Variants in SRSF10 observed in about 807,000 individuals in gnomAD.
SRSF10 encodes serine/arginine-rich splicing factor 10.
A neutral mutation model predicts 32.6 loss-of-function variants in SRSF10; 9 were observed. The ratio of observed to expected loss-of-function variants is 0.28; its 90% CI spans 0.17 to 0.48. The LOEUF is 0.48. Among genes scored for constraint, SRSF10 ranks in the 20% least tolerant of loss-of-function variants. The pLI is 0.99. For missense variants in SRSF10, 201 were observed against 331.8 expected (o/e 0.61, Z 3.06); for synonymous variants, 105 against 112.4 (o/e 0.93, Z 0.42).
intron 3 of SRSF10, among the ~76,000 whole-genome samples, chr1:23,974,504 T>G (rs1447907885): frequency 6.6e-6 from 1 of 152,210 alleles, no homozygotes; most frequent in African/African-American, 2.4e-5. Flanking sequence ...TGATGAAATA[T>G]TCAAGATACT....
At chr1:23,973,849 C>G (rs1180996475) in intron 3 of SRSF10, among the ~76,000 whole-genome samples, 2 of 152,132 alleles carry the variant, frequency 1.3e-5, no homozygotes, top group Non-Finnish European at 2.9e-5. Flanking sequence ...TTATCTCATT[C>G]AATTCAATGA....
chr1:23,973,211 C>T (rs1316204649), intron 3 of SRSF10, among the ~76,000 whole-genome samples: 3 of 152,190 alleles, frequency 2.0e-5, no homozygotes, highest in African/African-American at 7.2e-5. Context: ...AAAAATAATA[C>T]TAATATCCCC....
chr1:23,970,178 T>C lies in SRSF10; in HGVS notation c.*964A>G. On this transcript the variant is annotated 3_prime_UTR_variant, in exon 6 of 6. Coordinates refer to ENST00000492112, the MANE Select transcript of SRSF10 (RefSeq NM_054016.4). ...TGCCATCAACGACCTGCTCAAATTT[T>C]AAGGTGAGTTTTTGTGTTTTCTATG... 2 of 985,426 alleles carry C rather than the reference T, an allele frequency of 2.0e-6. No homozygotes were observed. The highest frequency in any genetic ancestry group is 2.4e-6 in the Non-Finnish European group (2 of 829,938). The allele number at this position is 985,426 out of a possible 1,614,324, so 61.0% of individuals were successfully genotyped here.
At chr1:23,972,077 T>C in intron 3 of SRSF10, 65 bp from the exon 4 acceptor site, 5 of 1,358,912 alleles carry the variant, frequency 3.7e-6, no homozygotes, top group Non-Finnish European at 4.8e-6. Flanking sequence ...CCTCAATAAA[T>C]AGGGAAAAAA....
Position 23,970,777 on chromosome 1 carries a change from T to C in SRSF10, c.*365A>G, listed in dbSNP as rs1641711055. 3.9e-6 allele frequency: 4 copies of C among 1,029,322 alleles called. No homozygotes were observed. The highest frequency in any genetic ancestry group is 1.7e-5 in the African/African-American group (1 of 57,940). The allele number at this position is 1,029,322 out of a possible 1,614,324, so 63.8% of individuals were successfully genotyped here. ...GTATCATTCTATCTTATTAGCAAGC[T>C]ACATTTCTAGGTTAACAGTTCTACC... On this transcript the variant is annotated 3_prime_UTR_variant, in exon 6 of 6. Coordinates refer to ENST00000492112, the MANE Select transcript of SRSF10 (RefSeq NM_054016.4).
chr1:23,967,820 G>C lies in SRSF10; in HGVS notation c.*3322C>G. Reference sequence around the variant, plus strand: ...GTTGAACTGGATGTAGCAGCTTACTGGGCCAAATTTTCAAGAGAATAATAC... The same window carrying C: ...GTTGAACTGGATGTAGCAGCTTACTCGGCCAAATTTTCAAGAGAATAATAC... On this transcript the variant is annotated 3_prime_UTR_variant, in exon 6 of 6. Coordinates refer to ENST00000492112, the MANE Select transcript of SRSF10 (RefSeq NM_054016.4). 2 of 1,574,276 alleles carry C rather than the reference G, an allele frequency of 1.3e-6. No individual in the cohort carries two copies. Among genetic ancestry groups the C allele is most frequent in the South Asian group, 1.1e-5 (1 of 87,726 alleles).
rs1051583560 is a variant in SRSF10 at position 23,967,533 on chromosome 1, T to C, written c.*3609A>G. 7.6e-5 allele frequency: 43 copies of C among 562,774 alleles called. 1 individual carries two copies. The highest frequency in any genetic ancestry group is 5.7e-4 in the African/African-American group (31 of 54,038). 34.9% of individuals were successfully genotyped at this position (562,774 alleles called of 1,614,324 possible). On this transcript the variant is annotated 3_prime_UTR_variant, in exon 6 of 6. Transcript: ENST00000492112. The stretch of plus-strand genomic sequence containing the variant: ...ACTTGAAGGGACTTCAATTATTCCA[T>C]GTAGTTTTCGATAACATTCTTTTAT...
chr1:23,978,566 G>C (rs1308244441), intron 2 of SRSF10, 147 bp downstream of exon 2: 1 of 1,022,256 alleles, frequency 9.8e-7, no homozygotes, highest in Non-Finnish European at 1.3e-6. Flanking sequence ...CGAGAGCAAT[G>C]TGTGAGTCAG....
chr1:23,975,760 A>T (rs1642049562), intron 2 of SRSF10: 5 of 152,260 alleles, frequency 3.3e-5, no homozygotes. Flanking sequence ...CTGTAAAAGC[A>T]TGCTATCAAG....
rs1304767178 is a variant in SRSF10, at chr1:23,968,998, A to C, written c.*2144T>G. The C allele has an allele frequency of 4.8e-6, 3 of 623,708 alleles. No homozygotes were observed. Among genetic ancestry groups the C allele is most frequent in the Non-Finnish European group, 6.0e-6 (3 of 500,000 alleles). 38.6% of individuals were successfully genotyped at this position (623,708 alleles called of 1,614,324 possible). A position where few individuals can be genotyped will look rare whatever the true frequency, so the allele number is the denominator to read the frequency against. On this transcript the variant is annotated 3_prime_UTR_variant, in exon 6 of 6. Transcript: ENST00000492112. ...GTGCCTAGTGCAACAATGATTTAAA[A>C]TATTCCTAAATCTATAAAGGACTGT...
chr1:23,967,815 T>C lies in SRSF10; in HGVS notation c.*3327A>G. On this transcript the variant is annotated 3_prime_UTR_variant, in exon 6 of 6. Coordinates refer to ENST00000492112, the MANE Select transcript of SRSF10 (RefSeq NM_054016.4). ...TGTTAGTTGAACTGGATGTAGCAGCTTACTGGGCCAAATTTTCAAGAGAAT... is the reference window on the plus strand; with the variant it reads ...TGTTAGTTGAACTGGATGTAGCAGCCTACTGGGCCAAATTTTCAAGAGAAT... 2 of 1,579,212 alleles carry C rather than the reference T, an allele frequency of 1.3e-6. No individual in the cohort carries two copies. Among genetic ancestry groups the C allele is most frequent in the South Asian group, 2.3e-5 (2 of 88,150 alleles).
At chr1:23,973,948 A>G (rs1641923098) in intron 3 of SRSF10, among the ~76,000 whole-genome samples, 1 of 151,688 alleles carries the variant, frequency 6.6e-6, no homozygotes. Context: ...GAGTTCCAAT[A>G]GTTTGCATTG....
At chr1:23,978,182 C>T (rs1224633610) in intron 2 of SRSF10, 1 of 985,408 alleles carries the variant, frequency 1.0e-6, no homozygotes, top group South Asian at 4.7e-5. Flanking sequence ...AGGTCTTTGG[C>T]TTGTCTACTT....
intron 3 of SRSF10, among the ~76,000 whole-genome samples, chr1:23,973,237 C>A (rs2148503626): frequency 6.6e-6 from 1 of 152,312 alleles, no homozygotes; most frequent in South Asian, 2.1e-4. Context: ...TTTTCAAAGT[C>A]TTCTCACCAT....
Position 23,970,044 on chromosome 1 carries a change from TTTAC to T in SRSF10, c.*1094_*1097del, listed in dbSNP as rs575566366. The T allele has an allele frequency of 5.4e-5, 53 of 985,300 alleles. No homozygotes were observed. Among genetic ancestry groups the T allele is most frequent in the Non-Finnish European group, 6.3e-5 (52 of 829,932 alleles). The allele number at this position is 985,300 out of a possible 1,614,324, so 61.0% of individuals were successfully genotyped here. On this transcript the variant is annotated 3_prime_UTR_variant, in exon 6 of 6. Coordinates refer to ENST00000492112, the MANE Select transcript of SRSF10 (RefSeq NM_054016.4). Reference sequence around the variant, plus strand: ...ACACACAAAACCTACTTTGAAACAATTTACTTACTTAACAGCAGTAAGAAAACTA... The same window carrying T: ...ACACACAAAACCTACTTTGAAACAATTTACTTAACAGCAGTAAGAAAACTA...
rs2148499503 is a variant in SRSF10 at position 23,971,073 on chromosome 1, ATAATT to A, written c.*64_*68del. On this transcript the variant is annotated 3_prime_UTR_variant, in exon 6 of 6. Transcript: ENST00000492112. ...GCATCATTGCAACATTGTATTCCTG[ATAATT>A]TAAGTAAACCAAACTATGAGTAAAT... 7.9e-6 allele frequency: 12 copies of A among 1,523,040 alleles called. No individual in the cohort carries two copies. In the East Asian group the frequency reaches 2.7e-4, roughly 35 times the overall value. The allele number at this position is 1,523,040 out of a possible 1,614,324, so 94.3% of individuals were successfully genotyped here.
At chr1:23,972,845 G>A (rs1045445694) in intron 3 of SRSF10, among the ~76,000 whole-genome samples, 1 of 148,900 alleles carries the variant, frequency 6.7e-6, no homozygotes, top group Non-Finnish European at 1.5e-5. Flanking sequence ...GAGTTCATGC[G>A]ATTCTCCTGC....
rs762703942 is a variant in SRSF10, at chr1:23,980,295, G to C, written c.-40C>G. On this transcript the variant is annotated 5_prime_UTR_variant, in exon 1 of 6. Transcript: ENST00000492112. ...TCGGCCGGGCGCACTAACGGGCTCA[G>C]CAAACCGTCCGCGGCTCAGGCGGCC... The C allele has an allele frequency of 7.0e-7, 1 of 1,419,444 alleles. No individual in the cohort carries two copies. The highest frequency in any genetic ancestry group is 9.3e-7 in the Non-Finnish European group (1 of 1,078,710). 87.9% of individuals were successfully genotyped at this position (1,419,444 alleles called of 1,614,324 possible).
In SRSF10 at chr1:23,967,746, G is replaced by T; in HGVS notation, c.*3396C>A. On this transcript the variant is annotated 3_prime_UTR_variant, in exon 6 of 6. Coordinates refer to ENST00000492112, the MANE Select transcript of SRSF10 (RefSeq NM_054016.4). ...GGTCTTAAATAAAAGAAGGATGTTT[G>T]TCAGTTTGGTTTCCTTTATTCTTCT... 6.2e-7 allele frequency: 1 copy of T among 1,611,320 alleles called. No homozygotes were observed. Among genetic ancestry groups the T allele is most frequent in the Non-Finnish European group, 8.5e-7 (1 of 1,178,002 alleles).
Sources: allele counts gnomAD v4.1 joint callset (sites outside exome capture counted in the v4.1 genomes callset), GRCh38; gene constraint gnomAD v4.1.1; transcripts MANE v1.5; gene names NCBI Gene and HGNC (gene_info 2026-07-23, HGNC 2026-07-21).